The following KATNB1 variants were observed in gnomAD, a reference collection of about 807,000 sequenced individuals.
The protein encoded by KATNB1 is katanin p80 WD40 repeat-containing subunit B1.
A neutral mutation model predicts 82.3 loss-of-function variants in KATNB1; 38 were observed. That is an observed-to-expected ratio of 0.46 (90% CI 0.36 to 0.61). The LOEUF (loss-of-function observed/expected upper bound fraction) is 0.61. Ranked by LOEUF, KATNB1 falls within the 20% of genes least tolerant of loss-of-function variation. The pLI is 0.00. For synonymous variants in KATNB1, 361 were observed against 368.7 expected, an observed-to-expected ratio of 0.98 and a Z score of 0.24; for missense variants, 749 against 915.7, an observed-to-expected ratio of 0.82 and a Z score of 2.35.
chr16:57,755,528 G>GC (rs781915279), intron 16 of KATNB1, 34 bp downstream of exon 16: 25 of 1,593,410 alleles, frequency 1.6e-5, no homozygotes, highest in East Asian at 4.5e-5. Context: ...GCCTCATCTC[G>GC]CCCCCCTGCC....
intron 1 of KATNB1, chr16:57,736,144 AGAAT>A: frequency 6.6e-6 from 1 of 152,606 alleles, no homozygotes; most frequent in Non-Finnish European, 1.5e-5. Flanking sequence ...GAGAAGTAGG[AGAAT>A]GAATGAATGG....
In KATNB1 at chr16:57,750,930, G is replaced by T; in HGVS notation, c.390+3G>T. ...GTTCCCAGGACACAAACATCAAGGT[G>T]AGAGGCCGGTCCGTGCCCCGTGTCT... On this transcript the variant is annotated splice_donor_region_variant and intron_variant, in intron 5 of 19. Transcript: ENST00000379661. The T allele has an allele frequency of 6.2e-7, 1 of 1,612,194 alleles. No individual in the cohort carries two copies. The highest frequency in any genetic ancestry group is 8.5e-7 in the Non-Finnish European group (1 of 1,178,358).
intron 13 of KATNB1, 44 bp from the exon 14 acceptor site, chr16:57,754,886 G>C: frequency 1.9e-6 from 3 of 1,607,066 alleles, no homozygotes; most frequent in Non-Finnish European, 2.6e-6. Context: ...CTTCTTGCCA[G>C]GCCCTTCTGG....
chr16:57,740,298 A>G (rs1248541397), intron 2 of KATNB1, among the ~76,000 whole-genome samples: 1 of 152,122 alleles, frequency 6.6e-6, no homozygotes. Flanking sequence ...CCGGCCCAGG[A>G]GGCAGGGTGT....
chr16:57,737,647 G>A (rs2049110833), intron 2 of KATNB1, among the ~76,000 whole-genome samples: 1 of 152,130 alleles, frequency 6.6e-6, no homozygotes, highest in African/African-American at 2.4e-5. Context: ...AGCATTCTCA[G>A]ACATCTCACA....
In KATNB1 at chr16:57,755,134, C is replaced by T. The variant is rs781975210; in HGVS notation, c.1312C>T (p.Arg438Trp). 6.2e-6 allele frequency: 10 copies of T among 1,612,628 alleles called. No individual in the cohort carries two copies. Among genetic ancestry groups the T allele is most frequent in the African/African-American group, 2.7e-5 (2 of 74,948 alleles). The stretch of plus-strand genomic sequence containing the variant: ...ACACTTTCAGCTGGAGGTCCTGCCC[C>T]GGCCCCCAGTGGTTGCTTCCACACC... Reference protein sequence around the residue: ...FPVPNLEVLPRPPVVASTPAP... With the variant: ...FPVPNLEVLPWPPVVASTPAP... Residue 438 changes from arginine to tryptophan, a missense_variant, in exon 15 of 20, where the codon CGG becomes TGG. By Grantham distance (101) the Arg-to-Trp change is moderately radical (BLOSUM62 -3). Transcript: ENST00000379661.
At chr16:57,738,957 G>C (rs2049123616) in intron 2 of KATNB1, among the ~76,000 whole-genome samples, 1 of 152,094 alleles carries the variant, frequency 6.6e-6, no homozygotes, top group Non-Finnish European at 1.5e-5. Flanking sequence ...CAGTTAGCTG[G>C]GGGGTAGGGG....
At chr16:57,756,101 G>T (rs1406988473) in intron 18 of KATNB1, 35 bp downstream of exon 18, 10 of 1,597,722 alleles carry the variant, frequency 6.3e-6, no homozygotes, top group Non-Finnish European at 7.6e-6. Context: ...CCTGAAGCAG[G>T]GGGAGGGGAG....
At chr16:57,741,025 G>C (rs1423298192) in intron 2 of KATNB1, among the ~76,000 whole-genome samples, 8 of 152,240 alleles carry the variant, frequency 5.3e-5, no homozygotes, top group Non-Finnish European at 1.0e-4. Context: ...CGAGGAGCCA[G>C]GCCCTCAGAG....
chr16:57,739,668 C>T (rs2049128311), intron 2 of KATNB1, among the ~76,000 whole-genome samples: 1 of 152,158 alleles, frequency 6.6e-6, no homozygotes, highest in African/African-American at 2.4e-5. Flanking sequence ...TCTGTGGGCT[C>T]CAGTCAGTCC....
In KATNB1 at chr16:57,751,699, C is replaced by T. The variant is rs781939367; in HGVS notation, c.491C>T (p.Ser164Leu). The T allele has an allele frequency of 2.5e-6, 4 of 1,610,766 alleles. No homozygotes were observed. The highest frequency in any genetic ancestry group is 2.2e-5 in the East Asian group (1 of 44,874). The change falls in exon 7 of 20, where the codon TCG (serine) becomes TTG (leucine). Residue 164 changes from serine to leucine, a missense_variant. Around this residue, in one of 3 missense-constraint regions of KATNB1, gnomAD observed 247 missense variants for 349.4 expected, o/e 0.71. Coordinates refer to ENST00000379661, the MANE Select transcript of KATNB1 (RefSeq NM_005886.3). This position sits in a 1 kb window ranked among gnomAD's most constrained non-coding sequence, Gnocchi z 6.3. ...AGCCCCGATGGGAAGTGGTTGGCGTCGGCCGCAGATGACCACACCGTGAAG... is the reference window on the plus strand; with the variant it reads ...AGCCCCGATGGGAAGTGGTTGGCGTTGGCCGCAGATGACCACACCGTGAAG... Reference protein sequence around the residue: ...RFSPDGKWLASAADDHTVKLW... With the variant: ...RFSPDGKWLALAADDHTVKLW...
rs575274685 is a variant in KATNB1 at position 57,752,328 on chromosome 16, G to A, written c.633-202G>A. On this transcript the variant is annotated intron_variant, in intron 8 of 19. Coordinates refer to ENST00000379661, the MANE Select transcript of KATNB1 (RefSeq NM_005886.3). The stretch of plus-strand genomic sequence containing the variant: ...GGGACCCCATAGGGCAGGGAGGCTC[G>A]TGGCTGTTGGGGCCAACCCTGGGGC... 1.2e-4 allele frequency: 79 copies of A among 633,136 alleles called. 1 individual carries two copies. The South Asian group carries it at 1.4e-3, about 11-fold the overall frequency. 39.2% of individuals were successfully genotyped at this position (633,136 alleles called of 1,614,324 possible). A position where few individuals can be genotyped will look rare whatever the true frequency, so the allele number is the denominator to read the frequency against.
intron 4 of KATNB1, among the ~76,000 whole-genome samples, chr16:57,750,226 T>C (rs1555582629): frequency 2.0e-5 from 3 of 152,190 alleles, no homozygotes; most frequent in African/African-American, 7.2e-5. Context: ...CTGAGTGTGG[T>C]GGTTCCCTGG....
In KATNB1 at chr16:57,747,848, C is replaced by A. The variant is rs2049194993; in HGVS notation, c.290-2979C>A. 2.0e-5 allele frequency among the ~76,000 whole-genome samples: 3 copies of A among 152,332 alleles called. 1 individual carries two copies. Among genetic ancestry groups the A allele is most frequent in the Admixed American group, 2.0e-4 (3 of 15,306 alleles). ...CTTTCTCATCCACAATTGTTTTGCT[C>A]ACAGGGGAAATGTGAGGAATTCCTT... On this transcript the variant is annotated intron_variant, in intron 4 of 19. Coordinates refer to ENST00000379661, the MANE Select transcript of KATNB1 (RefSeq NM_005886.3).
In KATNB1 at chr16:57,755,901, A is replaced by G. The variant is rs1210207156; in HGVS notation, c.1627A>G (p.Ile543Val). The G allele has an allele frequency of 7.5e-6, 12 of 1,598,116 alleles. No homozygotes were observed. The highest frequency in any genetic ancestry group is 1.0e-5 in the Non-Finnish European group (12 of 1,167,774). ...GTCGGTGGTGGTGGACCTCCTGAAC[A>G]TCGTCAACCAGAAAGCGTAAGTGGC... ...DLSVVVDLLNIVNQKASLWKL... is the reference protein window; with the variant it reads ...DLSVVVDLLNVVNQKASLWKL... The change falls in exon 17 of 20, where the codon ATC (isoleucine) becomes GTC (valine). Residue 543 changes from isoleucine (I) to valine (V), a missense_variant. Around this residue, in one of 3 missense-constraint regions of KATNB1, gnomAD observed 407 missense variants for 434.7 expected, o/e 0.94. Transcript: ENST00000379661.
rs529388840 is a variant in KATNB1, at chr16:57,748,218, C to T, written c.290-2609C>T. On this transcript the variant is annotated intron_variant, in intron 4 of 19. Coordinates refer to ENST00000379661, the MANE Select transcript of KATNB1 (RefSeq NM_005886.3). Reference sequence around the variant, plus strand: ...GCCATTGGATGGAAGAGAAACTTGCCATCAGCACAGCAGGTAGAGCTAAGA... The same window carrying T: ...GCCATTGGATGGAAGAGAAACTTGCTATCAGCACAGCAGGTAGAGCTAAGA... Among the ~76,000 whole-genome samples, 6 of 152,256 alleles carry T rather than the reference C, an allele frequency of 3.9e-5. No homozygotes were observed. The East Asian group carries it at 9.7e-4, about 25-fold the overall frequency.
rs8061033 is a variant in KATNB1 at position 57,741,920 on chromosome 16, G to A, written c.171+103G>A. On this transcript the variant is annotated intron_variant, in intron 3 of 19. Transcript: ENST00000379661. ...TGAGCAGCTTCTCAGACTCTCTTGAGCCCAGGGCCCCCTATCCGCTGGGGC... is the reference window on the plus strand; with the variant it reads ...TGAGCAGCTTCTCAGACTCTCTTGAACCCAGGGCCCCCTATCCGCTGGGGC... 167,117 of 1,363,384 alleles carry A rather than the reference G, an allele frequency of 0.12. 12,843 individuals carry two copies. Among genetic ancestry groups the A allele is most frequent in the African/African-American group, 0.28 (19,524 of 69,808 alleles). The allele number at this position is 1,363,384 out of a possible 1,614,324, so 84.5% of individuals were successfully genotyped here. A position where few individuals can be genotyped will look rare whatever the true frequency, so the allele number is the denominator to read the frequency against.
intron 18 of KATNB1, 99 bp downstream of exon 18, chr16:57,756,165 T>TC: frequency 2.9e-6 from 4 of 1,375,216 alleles, no homozygotes; most frequent in Non-Finnish European, 4.1e-6. Context: ...GCCTGGGTGT[T>TC]CCTGTGAGCT....
intron 12 of KATNB1, 116 bp downstream of exon 12, chr16:57,753,635 A>G: frequency 7.5e-7 from 1 of 1,334,508 alleles, no homozygotes; most frequent in Non-Finnish European, 1.0e-6. Flanking sequence ...CCTAACCCAC[A>G]CCTGGGCTCC....
Sources: allele counts gnomAD v4.1 joint callset (sites outside exome capture counted in the v4.1 genomes callset), GRCh38; gene constraint gnomAD v4.1.1; regional missense constraint gnomAD v4.1.1; non-coding constraint Gnocchi (gnomAD v3.1); transcripts MANE v1.5; gene names NCBI Gene and HGNC (gene_info 2026-07-23, HGNC 2026-07-21).